DYSF: variants seen among roughly 807,000 people sequenced by gnomAD.
The protein encoded by DYSF is dystrophy-associated fer-1-like 1.
DYSF carries 212 observed loss-of-function variants against 274.9 expected under a neutral mutation model. That is an observed-to-expected ratio of 0.77 (90% CI 0.69 to 0.86). The LOEUF is 0.86. Among genes scored for constraint, DYSF ranks in the 40% least tolerant of loss-of-function variants. DYSF has a pLI of 0.00. For missense variants in DYSF, 2,666 were observed against 2,783.2 expected, an observed-to-expected ratio of 0.96 and a Z score of 0.95; for synonymous variants, 1,091 against 1,078.7, an observed-to-expected ratio of 1.01 and a Z score of -0.22.
chr2:71,658,788 T>C, intron 43 of DYSF, 90 bp from the exon 44 acceptor site: 2 of 1,524,802 alleles, frequency 1.3e-6, no homozygotes, highest in Non-Finnish European at 1.8e-6. Context: ...TTCTGGGAGA[T>C]ACAATTCAAG....
chr2:71,567,946 C>A lies in DYSF; in HGVS notation c.2566-5C>A. ...TGTGGGTTTCTGTCCTTCTCTGGTACCCAGTATCCGATGGAGAAGGTGCCT... is the reference window on the plus strand; with the variant it reads ...TGTGGGTTTCTGTCCTTCTCTGGTAACCAGTATCCGATGGAGAAGGTGCCT... On this transcript the variant is annotated splice_polypyrimidine_tract_variant and splice_region_variant and intron_variant, in intron 24 of 55. Transcript: ENST00000410020. 6.2e-7 allele frequency: 1 copy of A among 1,614,086 alleles called. No homozygotes were observed. Among genetic ancestry groups the A allele is most frequent in the Non-Finnish European group, 8.5e-7 (1 of 1,179,980 alleles).
intron 21 of DYSF, among the ~76,000 whole-genome samples, chr2:71,554,569 G>A (rs560973383): frequency 2.5e-4 from 38 of 152,256 alleles, no homozygotes; most frequent in African/African-American, 8.7e-4. Flanking sequence ...CCATTGCAGG[G>A]ACCTGGGGGA....
intron 37 of DYSF, 42 bp from the exon 38 acceptor site, chr2:71,611,422 GC>G: frequency 6.2e-7 from 1 of 1,614,106 alleles, no homozygotes; most frequent in Non-Finnish European, 8.5e-7. Context: ...CTTTCCTGGG[GC>G]CCGGGGCCTT....
At position 71,664,367 on chromosome 2, in the gene DYSF, G is replaced by A. The variant is rs758713393; in HGVS notation, c.5103G>A (p.Thr1701=). Residue 1701 remains threonine, a synonymous_variant, in exon 46 of 56, where the codon ACG becomes ACA. Coordinates refer to ENST00000410020, the MANE Select transcript of DYSF (RefSeq NM_001130987.2). The part of the protein sequence containing the change: ...LLSKDEKIGE[T]VVDLENRLLS... Reference sequence around the variant, plus strand: ...CCAAGGACGAAAAGATCGGTGAGACGGTCGTCGACCTGGAGAACAGGCTGC... The same window carrying A: ...CCAAGGACGAAAAGATCGGTGAGACAGTCGTCGACCTGGAGAACAGGCTGC... 23 of 1,614,052 alleles carry A rather than the reference G, an allele frequency of 1.4e-5. No individual in the cohort carries two copies. Among genetic ancestry groups the A allele is most frequent in the Admixed American group, 1.3e-4 (8 of 59,994 alleles).
At chr2:71,671,785 G>T (rs1186633906) in intron 51 of DYSF, among the ~76,000 whole-genome samples, 1 of 152,182 alleles carries the variant, frequency 6.6e-6, no homozygotes, top group East Asian at 1.9e-4. Flanking sequence ...CTCCATTCTG[G>T]CAATGTTGTG....
intron 42 of DYSF, among the ~76,000 whole-genome samples, chr2:71,645,813 G>T (rs2094559196): frequency 6.6e-6 from 1 of 152,112 alleles, no homozygotes; most frequent in Non-Finnish European, 1.5e-5. Context: ...GATTATAAAT[G>T]GGGGAGACTC....
intron 41 of DYSF, among the ~76,000 whole-genome samples, chr2:71,627,854 A>G (rs1574456060): frequency 6.6e-6 from 1 of 152,048 alleles, no homozygotes; most frequent in Non-Finnish European, 1.5e-5. Flanking sequence ...ATCTCTGCTA[A>G]TGAGTTTTTC....
chr2:71,500,229 G>A (rs73940805), intron 3 of DYSF, among the ~76,000 whole-genome samples: 1 of 152,076 alleles, frequency 6.6e-6, no homozygotes, highest in Non-Finnish European at 1.5e-5. Flanking sequence ...CCTCCCAGGG[G>A]TCCCTCTTCT....
At chr2:71,619,551 G>A (rs935237580) in intron 40 of DYSF, among the ~76,000 whole-genome samples, 2 of 152,118 alleles carry the variant, frequency 1.3e-5, no homozygotes, top group African/African-American at 4.8e-5. Flanking sequence ...CTGGGGTTTC[G>A]CCCCTTGGAG....
intron 29 of DYSF, among the ~76,000 whole-genome samples, chr2:71,571,231 A>G (rs1223417002): frequency 6.6e-6 from 1 of 150,586 alleles, no homozygotes; most frequent in Admixed American, 6.6e-5. Context: ...CACACTCAGC[A>G]CACACAGATC....
intron 1 of DYSF, among the ~76,000 whole-genome samples, chr2:71,469,117 A>G (rs1453778412): frequency 6.6e-6 from 1 of 152,180 alleles, no homozygotes; most frequent in East Asian, 1.9e-4. Context: ...TACCCGATGC[A>G]GGTTATTTTG....
intron 33 of DYSF, among the ~76,000 whole-genome samples, chr2:71,599,864 C>T (rs1242319685): frequency 6.6e-6 from 1 of 152,168 alleles, no homozygotes; most frequent in East Asian, 1.9e-4. Flanking sequence ...GGCAGCTGGC[C>T]ATGGGTAAGC....
chr2:71,563,494 AG>A (rs2152805602), intron 23 of DYSF, among the ~76,000 whole-genome samples: 1 of 152,286 alleles, frequency 6.6e-6, no homozygotes, highest in East Asian at 1.9e-4. Context: ...GGAGGGGCTT[AG>A]GGGCCTCACA....
chr2:71,629,056 A>G (rs1042177286), intron 41 of DYSF, among the ~76,000 whole-genome samples: 2 of 152,222 alleles, frequency 1.3e-5, no homozygotes, highest in Non-Finnish European at 2.9e-5. Flanking sequence ...TTCAAATGTT[A>G]CAGATTCCAT....
At chr2:71,652,897 T>C (rs1186314701) in intron 42 of DYSF, among the ~76,000 whole-genome samples, 2 of 152,248 alleles carry the variant, frequency 1.3e-5, no homozygotes, top group African/African-American at 4.8e-5. Context: ...TAAACAAATA[T>C]GATGTTTAGA....
intron 3 of DYSF, among the ~76,000 whole-genome samples, chr2:71,485,047 C>T (rs570109324): frequency 9.2e-5 from 14 of 152,172 alleles, no homozygotes; most frequent in Admixed American, 9.2e-4. Flanking sequence ...TATGGGACAG[C>T]CAATTCACCA....
intron 30 of DYSF, among the ~76,000 whole-genome samples, chr2:71,587,956 G>C (rs1391301292): frequency 2.6e-5 from 4 of 152,214 alleles, no homozygotes; most frequent in Admixed American, 2.6e-4. Context: ...AGGGAGCAGA[G>C]GAAGACCCAG....
chr2:71,618,453 G>GTGTGTGTGT (rs1558640460), intron 40 of DYSF, among the ~76,000 whole-genome samples: 161 of 6,662 alleles, frequency 0.024, no homozygotes, highest in Admixed American at 0.038. Flanking sequence ...GGTAGAGGTG[G>GTGTGTGTGT]GGTTGTGTGT....
rs1021781692 is a variant in DYSF, at chr2:71,662,715, A to T, written c.5004-1553A>T. Among the ~76,000 whole-genome samples, 13 of 139,708 alleles carry T rather than the reference A, an allele frequency of 9.3e-5. No homozygotes were observed. The Admixed American group carries it at 9.4e-4, about 10-fold the overall frequency. 91.7% of individuals were successfully genotyped at this position (139,708 alleles called of 152,430 possible). ...GTGTATATGTATGTGTGTTGTATGT[A>T]TGTGTGTGTATGTGTATTTGTATAT... On this transcript the variant is annotated intron_variant, in intron 45 of 55. Transcript: ENST00000410020.
Sources: gnomAD v4.1 joint callset for allele counts (sites outside exome capture counted in the v4.1 genomes callset) on GRCh38, gnomAD v4.1.1 for gene constraint, MANE v1.5 for transcripts, NCBI Gene and HGNC (gene_info 2026-07-23, HGNC 2026-07-21) for gene names.